The following JMJD1C variants were observed in gnomAD, a reference collection of about 807,000 sequenced individuals.
JMJD1C encodes jumonji domain containing 1C.
Under a neutral mutation model 245.3 loss-of-function variants are expected in JMJD1C, and 31 were observed. The observed-to-expected ratio is 0.13, with a 90% confidence interval of 0.09 to 0.17. The LOEUF (loss-of-function observed/expected upper bound fraction) is 0.17. Among genes scored for constraint, JMJD1C ranks in the 10% least tolerant of loss-of-function variants. The pLI is 1.00. For missense variants in JMJD1C, 2,691 were observed against 3,000.2 expected (o/e 0.90, Z 2.41); for synonymous variants, 1,057 against 1,017.4 (o/e 1.04, Z -0.74).
chr10:63,222,220 TA>T, intron 3 of JMJD1C: 1 of 768,844 alleles, frequency 1.3e-6, no homozygotes, highest in Non-Finnish European at 2.4e-6. Context: ...GAGGAATTTA[TA>T]GGGGGGTTCA....
chr10:63,418,651 T>C (rs1949934614), intron 1 of JMJD1C, among the ~76,000 whole-genome samples: 1 of 152,042 alleles, frequency 6.6e-6, no homozygotes, highest in African/African-American at 2.4e-5. Flanking sequence ...AGCAGAGAAA[T>C]ACTAAAAATA....
chr10:63,393,094 C>A lies in JMJD1C; in HGVS notation c.169-12612G>T, dbSNP rs1232850569. ...CCAGCCTGGGCAACATGGTGAAACC[C>A]CGTCTCTACAAAAAATACAAAAAAT... is the stretch of plus-strand genomic sequence containing the variant. On this transcript the variant is annotated intron_variant, in intron 1 of 25. Transcript: ENST00000399262. Among the ~76,000 whole-genome samples, 3 of 152,030 alleles carry A rather than the reference C, an allele frequency of 2.0e-5. No individual in the cohort carries two copies. In the East Asian group the frequency reaches 5.8e-4, roughly 29 times the overall value.
intron 1 of JMJD1C, among the ~76,000 whole-genome samples, chr10:63,491,007 T>A (rs937433044): frequency 1.3e-5 from 2 of 152,224 alleles, no homozygotes; most frequent in African/African-American, 4.8e-5. Context: ...ATGTGCTAAG[T>A]ACTAGTTTAC....
intron 2 of JMJD1C, among the ~76,000 whole-genome samples, chr10:63,330,798 G>C (rs1013391668): frequency 4.6e-5 from 7 of 152,040 alleles, no homozygotes; most frequent in Non-Finnish European, 1.0e-4. Context: ...TTGTATTTCT[G>C]AAATTTGGCT....
At chr10:63,433,586 CTT>C (rs539696706) in intron 1 of JMJD1C, among the ~76,000 whole-genome samples, 12 of 86,804 alleles carry the variant, frequency 1.4e-4, no homozygotes, top group Non-Finnish European at 2.0e-4. Flanking sequence ...CTTTTCTTTT[CTT>C]TTTTTTTTTT....
At chr10:63,367,225 G>GT (rs200081593) in intron 2 of JMJD1C, among the ~76,000 whole-genome samples, 3,902 of 151,436 alleles carry the variant, frequency 0.026, 67 homozygotes, top group South Asian at 0.094. Flanking sequence ...ATTCACCCTA[G>GT]TTTTTTTTTG....
intron 3 of JMJD1C, among the ~76,000 whole-genome samples, chr10:63,262,398 A>C (rs554927581): frequency 1.3e-5 from 2 of 152,278 alleles, no homozygotes; most frequent in South Asian, 4.1e-4. Flanking sequence ...AAATAAGATA[A>C]ATGTCTATCA....
At chr10:63,326,233 G>A (rs978724626) in intron 2 of JMJD1C, among the ~76,000 whole-genome samples, 5 of 152,000 alleles carry the variant, frequency 3.3e-5, no homozygotes, top group South Asian at 2.1e-4. Context: ...GGTGGCTCAC[G>A]CCTGTAATCC....
intron 3 of JMJD1C, among the ~76,000 whole-genome samples, chr10:63,226,735 A>G (rs1367010133): frequency 5.6e-4 from 70 of 125,832 alleles, no homozygotes; most frequent in Non-Finnish European, 9.2e-4. Context: ...AAAAAAAAAA[A>G]GAGAGAGAGA....
At chr10:63,284,861 A>T (rs1429139214) in intron 2 of JMJD1C, among the ~76,000 whole-genome samples, 1 of 2,828 alleles carries the variant, frequency 3.5e-4, no homozygotes, top group African/African-American at 5.4e-4. Flanking sequence ...GAAGATTCAC[A>T]CACACACACA....
chr10:63,309,574 A>G (rs1489784815), intron 2 of JMJD1C, among the ~76,000 whole-genome samples: 2 of 151,230 alleles, frequency 1.3e-5, no homozygotes. Context: ...TTATAACTGT[A>G]TAACAGACCT....
intron 1 of JMJD1C, among the ~76,000 whole-genome samples, chr10:63,486,137 TAAAAAAAAAAAAAAAA>T (rs1166721473): frequency 1.4e-4 from 10 of 73,288 alleles, no homozygotes; most frequent in Non-Finnish European, 2.3e-4. Context: ...CAAGCAATTG[TAAAAAAAAAAAAAAAA>T]AAAAAAAAAA....
chr10:63,343,916 T>C (rs1241629884), intron 2 of JMJD1C, among the ~76,000 whole-genome samples: 2 of 152,066 alleles, frequency 1.3e-5, no homozygotes, highest in Non-Finnish European at 2.9e-5. Context: ...TGTGTGCCTG[T>C]ACTCCCAGCT....
At chr10:63,370,002 C>T (rs1946167452) in intron 2 of JMJD1C, among the ~76,000 whole-genome samples, 1 of 152,202 alleles carries the variant, frequency 6.6e-6, no homozygotes. Flanking sequence ...CTACACCTTT[C>T]AGCTAGTATG....
intron 2 of JMJD1C, among the ~76,000 whole-genome samples, chr10:63,281,033 C>T (rs1456949430): frequency 2.0e-5 from 3 of 151,396 alleles, no homozygotes; most frequent in African/African-American, 7.3e-5. Context: ...TGGGATTTCA[C>T]CGTGTTAGCC....
intron 10 of JMJD1C, chr10:63,203,452 A>G (rs576248040): frequency 3.0e-6 from 3 of 985,400 alleles, no homozygotes; most frequent in African/African-American, 3.5e-5. Context: ...AATACTTGCC[A>G]AACATTAATC....
intron 1 of JMJD1C, among the ~76,000 whole-genome samples, chr10:63,451,111 G>A (rs1003458547): frequency 6.6e-6 from 1 of 151,124 alleles, no homozygotes; most frequent in Non-Finnish European, 1.5e-5. Context: ...CAAATGACTG[G>A]TACATATCAA....
At chr10:63,321,524 C>T (rs1940861712) in intron 2 of JMJD1C, among the ~76,000 whole-genome samples, 1 of 152,206 alleles carries the variant, frequency 6.6e-6, no homozygotes, top group African/African-American at 2.4e-5. Flanking sequence ...GAAAATACCC[C>T]AACACATCTG....
At chr10:63,386,412 G>T (rs1947594003) in intron 1 of JMJD1C, among the ~76,000 whole-genome samples, 1 of 152,186 alleles carries the variant, frequency 6.6e-6, no homozygotes, top group Admixed American at 6.5e-5. Context: ...CATTCCACTG[G>T]TAGTCTGGGG....
Sources: allele counts gnomAD v4.1 joint callset (sites outside exome capture counted in the v4.1 genomes callset), GRCh38; gene constraint gnomAD v4.1.1; transcripts MANE v1.5; gene names NCBI Gene and HGNC (gene_info 2026-07-23, HGNC 2026-07-21).